The following ADAM32 variants were observed in gnomAD, a reference collection of about 807,000 sequenced individuals.
The protein encoded by ADAM32 is disintegrin and metalloproteinase domain-containing protein 32.
ADAM32 carries 89 observed loss-of-function variants against 114.9 expected under a neutral mutation model. The ratio of observed to expected loss-of-function variants is 0.77; its 90% CI spans 0.65 to 0.92. The LOEUF is 0.92. ADAM32 is among the 40% of genes least tolerant of loss of function. The probability of loss-of-function intolerance (pLI) is 0.00; values close to 1 mark genes in which losing one functional copy is unlikely to be tolerated. For missense variants in ADAM32, 870 were observed against 932.8 expected (o/e 0.93, Z 0.88); for synonymous variants, 285 against 307.5 (o/e 0.93, Z 0.77).
At chr8:39,235,239 A>G (rs924360698) in intron 16 of ADAM32, among the ~76,000 whole-genome samples, 2 of 152,196 alleles carry the variant, frequency 1.3e-5, no homozygotes, top group African/African-American at 4.8e-5. Flanking sequence ...ATAGATGTTC[A>G]TAGATTTGAA....
chr8:39,280,338 CG>C (rs1356067111), intron 22 of ADAM32, among the ~76,000 whole-genome samples: 1 of 152,014 alleles, frequency 6.6e-6, no homozygotes, highest in African/African-American at 2.4e-5. Context: ...GTTATGCATA[CG>C]TTTTTTGTTT....
chr8:39,108,451 T>G (rs1840018714), intron 1 of ADAM32, among the ~76,000 whole-genome samples: 1 of 152,198 alleles, frequency 6.6e-6, no homozygotes, highest in African/African-American at 2.4e-5. Context: ...TACACTATTT[T>G]GTTATGGCAG....
At chr8:39,237,101 A>G (rs1810202468) in intron 16 of ADAM32, among the ~76,000 whole-genome samples, 1 of 152,220 alleles carries the variant, frequency 6.6e-6, no homozygotes, top group African/African-American at 2.4e-5. Context: ...GAAAATCCAG[A>G]TCACAGGAGA....
intron 10 of ADAM32, among the ~76,000 whole-genome samples, chr8:39,170,779 CTG>C (rs1161637607): frequency 5.3e-5 from 8 of 151,728 alleles, no homozygotes; most frequent in Non-Finnish European, 8.8e-5. Flanking sequence ...TTTTTAGAAA[CTG>C]TTATTCATTT....
intron 18 of ADAM32, among the ~76,000 whole-genome samples, chr8:39,256,369 T>C (rs562794611): frequency 6.6e-6 from 1 of 152,132 alleles, no homozygotes; most frequent in Non-Finnish European, 1.5e-5. Context: ...GTGTTTCTGT[T>C]ACAGAAGAAA....
chr8:39,171,137 T>C (rs1450935368), intron 10 of ADAM32, among the ~76,000 whole-genome samples: 1 of 152,082 alleles, frequency 6.6e-6, no homozygotes, highest in Non-Finnish European at 1.5e-5. Context: ...GTTTTGAACA[T>C]GTTGGCCATG....
intron 19 of ADAM32, among the ~76,000 whole-genome samples, chr8:39,259,713 A>T (rs552353006): frequency 6.6e-6 from 1 of 152,154 alleles, no homozygotes; most frequent in African/African-American, 2.4e-5. Context: ...ATTTTCCAGT[A>T]TATTTCCCAG....
intron 10 of ADAM32, among the ~76,000 whole-genome samples, chr8:39,182,041 T>G (rs1805929913): frequency 6.6e-6 from 1 of 152,188 alleles, no homozygotes; most frequent in Non-Finnish European, 1.5e-5. Flanking sequence ...ACGACAAAGT[T>G]GAGGGACATA....
intron 11 of ADAM32, among the ~76,000 whole-genome samples, chr8:39,193,681 T>C (rs1306917966): frequency 6.6e-6 from 1 of 152,182 alleles, no homozygotes; most frequent in Non-Finnish European, 1.5e-5. Flanking sequence ...TTTTCTTTTA[T>C]CATATTTGAT....
At chr8:39,134,849 C>A (rs1479038629) in intron 2 of ADAM32, among the ~76,000 whole-genome samples, 1 of 152,048 alleles carries the variant, frequency 6.6e-6, no homozygotes, top group Non-Finnish European at 1.5e-5. Flanking sequence ...CACATCAAAT[C>A]CACCTTAAAA....
At chr8:39,241,546 G>A (rs978232823) in intron 16 of ADAM32, among the ~76,000 whole-genome samples, 8 of 152,208 alleles carry the variant, frequency 5.3e-5, no homozygotes, top group African/African-American at 1.9e-4. Context: ...TGGCTTCTGT[G>A]CATCCACAGC....
intron 10 of ADAM32, among the ~76,000 whole-genome samples, chr8:39,180,296 G>T (rs951270121): frequency 3.3e-5 from 5 of 152,228 alleles, no homozygotes; most frequent in African/African-American, 7.2e-5. Context: ...TCCCCCAGCA[G>T]TGCCAGCCCA....
intron 1 of ADAM32, chr8:39,108,136 A>G (rs1187487164): frequency 1.0e-5 from 3 of 294,124 alleles, no homozygotes; most frequent in Non-Finnish European, 1.9e-5. Flanking sequence ...ATTTAAAAAA[A>G]TGTTCCGAGG....
chr8:39,116,252 T>C (rs1036173917), intron 1 of ADAM32, among the ~76,000 whole-genome samples: 4 of 152,192 alleles, frequency 2.6e-5, no homozygotes, highest in African/African-American at 9.7e-5. Context: ...TTTAGAATAG[T>C]TTTTTCTAAT....
intron 16 of ADAM32, among the ~76,000 whole-genome samples, chr8:39,238,503 AAT>A (rs1810346334): frequency 6.6e-6 from 1 of 152,198 alleles, no homozygotes; most frequent in African/African-American, 2.4e-5. Flanking sequence ...CAATTCTGGT[AAT>A]ATGACAAAAA....
intron 23 of ADAM32, among the ~76,000 whole-genome samples, 179 bp from the exon 24 acceptor site, chr8:39,283,407 T>G (rs1481938842): frequency 9.2e-6 from 1 of 109,262 alleles, no homozygotes; most frequent in Non-Finnish European, 1.7e-5. Context: ...TGAAACTCCA[T>G]CTCTAAAAAA....
intron 6 of ADAM32, among the ~76,000 whole-genome samples, chr8:39,156,114 T>C (rs1485950897): frequency 1.3e-5 from 2 of 152,172 alleles, no homozygotes; most frequent in African/African-American, 4.8e-5. Flanking sequence ...TGGGGAAAAG[T>C]GAGGAATAAC....
At chr8:39,181,442 A>G (rs934964564) in intron 10 of ADAM32, among the ~76,000 whole-genome samples, 3 of 152,146 alleles carry the variant, frequency 2.0e-5, no homozygotes, top group African/African-American at 7.2e-5. Context: ...CAAACTCCAG[A>G]CACGCCACCT....
rs1180762711 is a variant in ADAM32, at chr8:39,169,941, G to A, written c.859G>A (p.Gly287Arg). The A allele has an allele frequency of 1.9e-6, 3 of 1,598,842 alleles. No homozygotes were observed. Among genetic ancestry groups the A allele is most frequent in the African/African-American group, 1.3e-5 (1 of 74,674 alleles). ...LIYMDYPRYL[G>R]AVFPGTMCIT... ...TTATATGGATTATCCTCGTTATTTG[G>A]GAGCAGTGTTTCCTGGAACAATGTG... The change falls in exon 10 of 25, where the codon GGA becomes AGA. Residue 287 changes from glycine to arginine, a missense_variant. Gly to Arg is a moderately radical substitution (Grantham distance 125). Coordinates refer to ENST00000379907, the MANE Select transcript of ADAM32 (RefSeq NM_145004.7).
Sources: allele counts gnomAD v4.1 joint callset (sites outside exome capture counted in the v4.1 genomes callset), GRCh38; gene constraint gnomAD v4.1.1; transcripts MANE v1.5; gene names NCBI Gene and HGNC (gene_info 2026-07-23, HGNC 2026-07-21).